The following TMTC2 variants were observed in gnomAD, a reference collection of about 807,000 sequenced individuals.
TMTC2 encodes transmembrane O-mannosyltransferase targeting cadherins 2, also known as protein O-mannosyl-transferase TMTC2.
TMTC2 carries 43 observed loss-of-function variants against 82.4 expected under a neutral mutation model. That is an observed-to-expected ratio of 0.52 (90% CI 0.41 to 0.67). TMTC2 has a LOEUF of 0.67. Among genes scored for constraint, TMTC2 ranks in the 30% least tolerant of loss-of-function variants. The pLI is 0.00. For synonymous variants in TMTC2, 408 were observed against 381.9 expected (o/e 1.07, Z -0.80); for missense variants, 919 against 1,012.4 (o/e 0.91, Z 1.25).
rs1373503300 is a variant in TMTC2 at position 82,732,141 on chromosome 12, A to C, written c.83+44472A>C. On this transcript the variant is annotated intron_variant, in intron 1 of 11. Coordinates refer to ENST00000321196, the MANE Select transcript of TMTC2 (RefSeq NM_152588.3). ...AACAGAATTAAGTACTTATGTATTTAAAAATTATTTAGCTTTCTTTACCAA... is the reference window on the plus strand; with the variant it reads ...AACAGAATTAAGTACTTATGTATTTCAAAATTATTTAGCTTTCTTTACCAA... 2.0e-5 allele frequency among the ~76,000 whole-genome samples: 3 copies of C among 152,334 alleles called. No homozygotes were observed. The East Asian group carries it at 5.8e-4, about 29-fold the overall frequency.
intron 1 of TMTC2, among the ~76,000 whole-genome samples, chr12:82,805,609 G>A (rs1356693479): frequency 1.4e-5 from 2 of 143,988 alleles, no homozygotes; most frequent in Non-Finnish European, 3.0e-5. Context: ...CGGGGTTCAC[G>A]CCATTCTCCT....
At chr12:82,989,791 A>C (rs1322789183) in intron 8 of TMTC2, among the ~76,000 whole-genome samples, 2 of 151,512 alleles carry the variant, frequency 1.3e-5, no homozygotes, top group Non-Finnish European at 2.9e-5. Context: ...TAATTTACCA[A>C]ACCATATGGA....
intron 1 of TMTC2, among the ~76,000 whole-genome samples, chr12:82,766,782 T>A (rs372542840): frequency 3.4e-5 from 5 of 148,826 alleles, no homozygotes; most frequent in African/African-American, 1.3e-4. Flanking sequence ...TGTTGATTCT[T>A]CTATTTATTT....
At chr12:82,829,225 C>T (rs1869616221) in intron 1 of TMTC2, among the ~76,000 whole-genome samples, 1 of 152,096 alleles carries the variant, frequency 6.6e-6, no homozygotes, top group South Asian at 2.1e-4. Flanking sequence ...AGAGTCCTCA[C>T]AAAAATTTAT....
At chr12:82,996,513 A>T (rs1358884753) in intron 8 of TMTC2, among the ~76,000 whole-genome samples, 2 of 152,236 alleles carry the variant, frequency 1.3e-5, no homozygotes, top group Non-Finnish European at 2.9e-5. Flanking sequence ...GTCAAAAGTG[A>T]CAGGATGAGG....
chr12:83,121,142 C>A lies in TMTC2; in HGVS notation c.2332-11068C>A, dbSNP rs1016903870. Among the ~76,000 whole-genome samples, 4 of 152,130 alleles carry A rather than the reference C, an allele frequency of 2.6e-5. No individual in the cohort carries two copies. The East Asian group carries it at 7.7e-4, about 29-fold the overall frequency. On this transcript the variant is annotated intron_variant, in intron 11 of 11. Transcript: ENST00000321196. ...AGCTTAATAACTAACCTCCTGAATTCTTTTGCAGGTAAATCAGGGATTTCG... is the reference window on the plus strand; with the variant it reads ...AGCTTAATAACTAACCTCCTGAATTATTTTGCAGGTAAATCAGGGATTTCG...
intron 7 of TMTC2, among the ~76,000 whole-genome samples, chr12:82,979,190 A>G (rs1207588883): frequency 6.6e-6 from 1 of 151,750 alleles, no homozygotes; most frequent in Non-Finnish European, 1.5e-5. Flanking sequence ...CAATATTATA[A>G]TTTATAAATA....
chr12:82,878,826 A>C (rs7301010), intron 2 of TMTC2, among the ~76,000 whole-genome samples: 22,141 of 152,136 alleles, frequency 0.15, 4,930 homozygotes, highest in African/African-American at 0.48. Context: ...TCTCTTGAGC[A>C]CAGGAGTTCA....
intron 1 of TMTC2, among the ~76,000 whole-genome samples, chr12:82,827,023 G>T (rs1243830148): frequency 2.6e-5 from 4 of 152,048 alleles, no homozygotes; most frequent in African/African-American, 9.7e-5. Flanking sequence ...TAAATGATTT[G>T]CACCAAGTAT....
intron 7 of TMTC2, among the ~76,000 whole-genome samples, chr12:82,970,477 G>T (rs1020188655): frequency 2.7e-5 from 4 of 148,918 alleles, no homozygotes; most frequent in African/African-American, 1.0e-4. Flanking sequence ...GACTACAGGC[G>T]CCCGCCACCG....
intron 1 of TMTC2, among the ~76,000 whole-genome samples, chr12:82,742,089 G>A (rs1318207153): frequency 1.3e-5 from 2 of 152,154 alleles, no homozygotes; most frequent in East Asian, 3.9e-4. Context: ...TGGAGGCCTA[G>A]TATGGCCCAG....
At chr12:82,836,168 G>A (rs1250991022) in intron 1 of TMTC2, among the ~76,000 whole-genome samples, 1 of 152,076 alleles carries the variant, frequency 6.6e-6, no homozygotes, top group Non-Finnish European at 1.5e-5. Context: ...GTATATGTTA[G>A]TCAGGAAATG....
intron 4 of TMTC2, among the ~76,000 whole-genome samples, chr12:82,952,454 A>G (rs866418701): frequency 1.8e-4 from 28 of 152,066 alleles, no homozygotes; most frequent in African/African-American, 6.5e-4. Context: ...TTTTTATTAA[A>G]ATTTCTCTAT....
At chr12:82,770,990 C>T (rs1315957760) in intron 1 of TMTC2, among the ~76,000 whole-genome samples, 1 of 151,976 alleles carries the variant, frequency 6.6e-6, no homozygotes, top group African/African-American at 2.4e-5. Context: ...GGGCGGATCA[C>T]GAGGTCAGGA....
At chr12:82,899,590 A>T (rs1467021077) in intron 3 of TMTC2, among the ~76,000 whole-genome samples, 1 of 112,268 alleles carries the variant, frequency 8.9e-6, no homozygotes, top group Non-Finnish European at 1.7e-5. Context: ...TATATATAAG[A>T]ATATATATAT....
At chr12:83,117,140 C>T (rs1162176441) in intron 11 of TMTC2, among the ~76,000 whole-genome samples, 5 of 152,118 alleles carry the variant, frequency 3.3e-5, no homozygotes, top group East Asian at 3.9e-4. Flanking sequence ...TATTCTCTTA[C>T]GTGTGGCTAG....
chr12:82,984,062 AAAC>A (rs1448115787), intron 7 of TMTC2, among the ~76,000 whole-genome samples: 1 of 152,072 alleles, frequency 6.6e-6, no homozygotes, highest in Non-Finnish European at 1.5e-5. Flanking sequence ...GAAATTAAAA[AAAC>A]AATTTCTAAT....
At chr12:82,970,842 A>G (rs1878419362) in intron 7 of TMTC2, among the ~76,000 whole-genome samples, 1 of 152,152 alleles carries the variant, frequency 6.6e-6, no homozygotes, top group South Asian at 2.1e-4. Flanking sequence ...TTCTCTCAGT[A>G]ACTGCAGTCA....
At chr12:83,085,969 T>A (rs1340973660) in intron 11 of TMTC2, among the ~76,000 whole-genome samples, 1 of 152,210 alleles carries the variant, frequency 6.6e-6, no homozygotes, top group East Asian at 1.9e-4. Context: ...CTTTGTGTAA[T>A]AAAGTGATTC....
Sources: gnomAD v4.1 joint callset for allele counts (sites outside exome capture counted in the v4.1 genomes callset) on GRCh38, gnomAD v4.1.1 for gene constraint, MANE v1.5 for transcripts, NCBI Gene and HGNC (gene_info 2026-07-23, HGNC 2026-07-21) for gene names.